ANO2: variants seen among roughly 807,000 people sequenced by gnomAD.
ANO2 encodes anoctamin 2.
In ANO2, 101 loss-of-function variants were observed where a neutral mutation model predicts 124.2. The ratio of observed to expected loss-of-function variants is 0.81; its 90% CI spans 0.69 to 0.96. The LOEUF (loss-of-function observed/expected upper bound fraction) is 0.96, where lower values mean the gene tolerates loss of function less well. Among genes scored for constraint, ANO2 ranks in the 40% least tolerant of loss-of-function variants. The probability of loss-of-function intolerance (pLI) is 0.00; values close to 1 mark genes in which losing one functional copy is unlikely to be tolerated. For synonymous variants in ANO2, 486 were observed against 482.5 expected (o/e 1.01, Z -0.09); for missense variants, 1,293 against 1,274.5 (o/e 1.01, Z -0.22).
intron 14 of ANO2, among the ~76,000 whole-genome samples, chr12:5,705,490 G>C (rs1949573961): frequency 6.6e-6 from 1 of 152,198 alleles, no homozygotes; most frequent in Admixed American, 6.5e-5. Context: ...ACACAGGGAA[G>C]GCCAGGCTGC....
intron 14 of ANO2, among the ~76,000 whole-genome samples, chr12:5,729,751 A>G (rs1411788155): frequency 6.6e-6 from 1 of 152,168 alleles, no homozygotes; most frequent in Non-Finnish European, 1.5e-5. Context: ...CCAAAAGTAG[A>G]GACCACCCAA....
At chr12:5,845,833 C>T (rs777447719) in intron 4 of ANO2, among the ~76,000 whole-genome samples, 16 of 152,286 alleles carry the variant, frequency 1.1e-4, no homozygotes, top group Middle Eastern at 3.4e-3. Context: ...ATGAAGCTAA[C>T]GGTCATATCT....
intron 4 of ANO2, among the ~76,000 whole-genome samples, chr12:5,849,964 G>T (rs1954821897): frequency 1.3e-5 from 2 of 152,048 alleles, no homozygotes; most frequent in Admixed American, 1.3e-4. Context: ...CTCAACTCAG[G>T]AACTGGGTTT....
chr12:5,676,635 G>A (rs1948257055), intron 14 of ANO2, among the ~76,000 whole-genome samples: 1 of 151,662 alleles, frequency 6.6e-6, no homozygotes, highest in African/African-American at 2.4e-5. Flanking sequence ...AGATTATTTT[G>A]TAAAGAGAAA....
intron 3 of ANO2, among the ~76,000 whole-genome samples, chr12:5,915,328 T>C (rs921314673): frequency 6.6e-6 from 1 of 152,210 alleles, no homozygotes; most frequent in Non-Finnish European, 1.5e-5. Context: ...AATATGAACA[T>C]GGACAATATC....
Position 5,777,908 on chromosome 12 carries a change from G to T in ANO2, c.1055+21599C>A, listed in dbSNP as rs370048729. ...CCCCAAATGTCAAACACTGGGATGG[G>T]TAAGGTGACTCATGTGAGGGTGACT... On this transcript the variant is annotated intron_variant, in intron 10 of 24. Coordinates refer to ENST00000682330, the MANE Select transcript of ANO2 (RefSeq NM_001364791.2). Among the ~76,000 whole-genome samples, 54 of 152,328 alleles carry T rather than the reference G, an allele frequency of 3.5e-4. 2 individuals carry two copies. In the South Asian group the frequency reaches 0.011, roughly 31 times the overall value.
chr12:5,601,708 A>G (rs1565460114), intron 19 of ANO2, among the ~76,000 whole-genome samples: 2 of 152,266 alleles, frequency 1.3e-5, no homozygotes, highest in Non-Finnish European at 2.9e-5. Context: ...ATATAAACAT[A>G]TATTTATCCA....
chr12:5,769,282 G>A lies in ANO2; in HGVS notation c.1056-18312C>T, dbSNP rs1168599388. 6.6e-6 allele frequency among the ~76,000 whole-genome samples: 1 copy of A among 152,132 alleles called. No homozygotes were observed. Among genetic ancestry groups the A allele is most frequent in the Non-Finnish European group, 1.5e-5 (1 of 68,026 alleles). Reference sequence around the variant, plus strand: ...GCAGAGCCAGGCTGATGGGGTACAGGTGGGACCAGGAACCAGGACTGGCTG... The same window carrying A: ...GCAGAGCCAGGCTGATGGGGTACAGATGGGACCAGGAACCAGGACTGGCTG... On this transcript the variant is annotated intron_variant, in intron 10 of 24. Transcript: ENST00000682330. This position sits in a 1 kb window ranked among gnomAD's most constrained non-coding sequence, Gnocchi z 4.0.
chr12:5,771,151 G>C (rs1039362506), intron 10 of ANO2, among the ~76,000 whole-genome samples: 4 of 152,224 alleles, frequency 2.6e-5, no homozygotes, highest in African/African-American at 9.6e-5. Context: ...TGCCTAGAAT[G>C]TGCTTGGTGC....
chr12:5,623,228 C>A (rs749192408), intron 16 of ANO2, among the ~76,000 whole-genome samples: 2 of 152,064 alleles, frequency 1.3e-5, no homozygotes, highest in Non-Finnish European at 2.9e-5. Flanking sequence ...TATGGGGATA[C>A]GATGGAGGGG....
At chr12:5,832,009 G>A (rs1565706433) in intron 5 of ANO2, among the ~76,000 whole-genome samples, 1 of 152,150 alleles carries the variant, frequency 6.6e-6, no homozygotes, top group Non-Finnish European at 1.5e-5. Context: ...GTCAATGAGT[G>A]TACAAGTAGG....
At chr12:5,612,597 G>A (rs1944594995) in intron 19 of ANO2, 59 bp downstream of exon 19, 2 of 1,429,926 alleles carry the variant, frequency 1.4e-6, no homozygotes, top group Non-Finnish European at 2.0e-6. Flanking sequence ...CTGAAAGGCT[G>A]GCACTTCTGG....
chr12:5,735,343 C>T (rs1049500999), intron 13 of ANO2, among the ~76,000 whole-genome samples: 1 of 152,046 alleles, frequency 6.6e-6, no homozygotes, highest in Non-Finnish European at 1.5e-5. Flanking sequence ...AGGAAGAACC[C>T]AAGCCTGCTC....
At chr12:5,740,174 T>C in intron 12 of ANO2, 1 of 342,190 alleles carries the variant, frequency 2.9e-6, no homozygotes, top group Non-Finnish European at 5.8e-6. Flanking sequence ...GAACATCTGA[T>C]GCAGGGCCTG....
At chr12:5,845,241 G>C (rs1404525826) in intron 4 of ANO2, among the ~76,000 whole-genome samples, 2 of 151,632 alleles carry the variant, frequency 1.3e-5, no homozygotes, top group African/African-American at 2.4e-5. Context: ...CTCCAGCCTG[G>C]GCAAGACTTT....
intron 3 of ANO2, among the ~76,000 whole-genome samples, chr12:5,905,942 C>G (rs1485569384): frequency 1.3e-5 from 2 of 152,176 alleles, no homozygotes; most frequent in African/African-American, 4.8e-5. Context: ...TCCCTTCATC[C>G]CACCCCGGCT....
rs80181108 is a variant in ANO2, at chr12:5,808,098, C to T, written c.893-730G>A. On this transcript the variant is annotated intron_variant, in intron 7 of 24. Coordinates refer to ENST00000682330, the MANE Select transcript of ANO2 (RefSeq NM_001364791.2). ...AATTTCTCAGCCTTAACTTCTCATG[C>T]AGTAAACATTGGTCGACATAGTCAT... Among the ~76,000 whole-genome samples, 1,423 of 152,342 alleles carry T rather than the reference C, an allele frequency of 9.3e-3. 9 individuals carry two copies. Among genetic ancestry groups the T allele is most frequent in the Non-Finnish European group, 0.015 (988 of 68,036 alleles).
intron 14 of ANO2, among the ~76,000 whole-genome samples, chr12:5,705,653 A>G (rs1949579579): frequency 6.6e-6 from 1 of 152,194 alleles, no homozygotes. Flanking sequence ...ACAAACCCCA[A>G]TACTATTGCT....
intron 14 of ANO2, among the ~76,000 whole-genome samples, chr12:5,653,207 C>T (rs1436148789): frequency 6.6e-6 from 1 of 152,204 alleles, no homozygotes; most frequent in Non-Finnish European, 1.5e-5. Flanking sequence ...GAAGCCAAAC[C>T]TTGCCATCGT....
Sources: gnomAD v4.1 joint callset for allele counts (sites outside exome capture counted in the v4.1 genomes callset) on GRCh38, gnomAD v4.1.1 for gene constraint, Gnocchi (gnomAD v3.1) non-coding constraint, MANE v1.5 for transcripts, NCBI Gene and HGNC (gene_info 2026-07-23, HGNC 2026-07-21) for gene names.